RNGTT: variants seen among roughly 807,000 people sequenced by gnomAD.
RNGTT encodes the protein mRNA-capping enzyme.
RNGTT carries 33 observed loss-of-function variants against 79.3 expected under a neutral mutation model. The observed-to-expected ratio is 0.42, with a 90% CI of 0.32 to 0.56. The LOEUF is 0.56. Ranked by LOEUF, RNGTT falls within the 20% of genes least tolerant of loss-of-function variation. The pLI is 0.17. For synonymous variants in RNGTT, 222 were observed against 235.9 expected, an observed-to-expected ratio of 0.94 and a Z score of 0.54; for missense variants, 497 against 739.1, an observed-to-expected ratio of 0.67 and a Z score of 3.80.
At chr6:88,728,314 A>T (rs9342155) in intron 13 of RNGTT, among the ~76,000 whole-genome samples, 19,478 of 152,264 alleles carry the variant, frequency 0.13, 1,437 homozygotes, top group Middle Eastern at 0.23. Context: ...TCAGAAAAGT[A>T]CCTCTGTCCC....
chr6:88,690,411 T>TA (rs386407874), intron 13 of RNGTT, among the ~76,000 whole-genome samples: 4,999 of 149,564 alleles, frequency 0.033, 281 homozygotes, highest in African/African-American at 0.11. Context: ...ATTTTAAAAT[T>TA]AAAAAAAAAA....
chr6:88,775,182 G>A (rs760445401), intron 12 of RNGTT, among the ~76,000 whole-genome samples: 83 of 152,146 alleles, frequency 5.5e-4, no homozygotes, highest in Admixed American at 6.5e-4. Context: ...TGATTACTAT[G>A]GTAAAGCAAA....
chr6:88,905,205 A>G (rs1347402772), intron 5 of RNGTT, among the ~76,000 whole-genome samples: 1 of 152,176 alleles, frequency 6.6e-6, no homozygotes, highest in Non-Finnish European at 1.5e-5. Flanking sequence ...TATAGTAGAG[A>G]CCTAGATAGG....
intron 14 of RNGTT, among the ~76,000 whole-genome samples, chr6:88,643,691 A>G (rs1773414610): frequency 6.6e-6 from 1 of 152,242 alleles, no homozygotes; most frequent in Admixed American, 6.5e-5. Flanking sequence ...ACTCAGGATT[A>G]AGAAACTCAC....
At chr6:88,773,576 A>G in intron 12 of RNGTT, among the ~76,000 whole-genome samples, 1 of 152,168 alleles carries the variant, frequency 6.6e-6, no homozygotes, top group East Asian at 1.9e-4. Context: ...CTACAAAGCT[A>G]CAGTAATCAA....
At chr6:88,834,106 T>TA (rs951389577) in intron 11 of RNGTT, among the ~76,000 whole-genome samples, 5 of 152,230 alleles carry the variant, frequency 3.3e-5, no homozygotes, top group East Asian at 3.9e-4. Context: ...ATGTTAATTA[T>TA]AAAAAAAATT....
chr6:88,808,913 T>C (rs1248943693), intron 11 of RNGTT, among the ~76,000 whole-genome samples: 1 of 151,550 alleles, frequency 6.6e-6, no homozygotes, highest in Non-Finnish European at 1.5e-5. Flanking sequence ...GCCAAGATCA[T>C]GCCACTGAAT....
chr6:88,867,170 C>T (rs1782201955), intron 8 of RNGTT, among the ~76,000 whole-genome samples: 1 of 152,096 alleles, frequency 6.6e-6, no homozygotes, highest in Admixed American at 6.6e-5. Context: ...ACCCTTAACA[C>T]TCAAATTGCA....
At chr6:88,781,267 T>TA (rs369523127) in intron 12 of RNGTT, among the ~76,000 whole-genome samples, 2 of 152,214 alleles carry the variant, frequency 1.3e-5, no homozygotes, top group African/African-American at 4.8e-5. Flanking sequence ...ACAGGATATC[T>TA]AGACCAGAGA....
chr6:88,729,140 C>T (rs1439732148), intron 13 of RNGTT, among the ~76,000 whole-genome samples: 1 of 152,156 alleles, frequency 6.6e-6, no homozygotes, highest in Non-Finnish European at 1.5e-5. Flanking sequence ...CTTCCATCTC[C>T]CAACACTAAG....
intron 10 of RNGTT, among the ~76,000 whole-genome samples, chr6:88,846,013 A>G (rs1178367377): frequency 6.6e-6 from 1 of 151,892 alleles, no homozygotes; most frequent in African/African-American, 2.4e-5. Context: ...AAAAAAAAAA[A>G]GTCTAACAAC....
chr6:88,786,026 A>G (rs544512542), intron 12 of RNGTT, among the ~76,000 whole-genome samples: 7 of 152,274 alleles, frequency 4.6e-5, no homozygotes, highest in Non-Finnish European at 1.0e-4. Flanking sequence ...CTCAATAGAA[A>G]CAATTATGTT....
chr6:88,610,454 T>C lies in RNGTT; in HGVS notation c.*2265A>G, dbSNP rs1173520180. The C allele has an allele frequency of 6.6e-6, 1 of 152,498 alleles. No individual in the cohort carries two copies. The highest frequency in any genetic ancestry group is 1.5e-5 in the Non-Finnish European group (1 of 68,044). The allele number at this position is 152,498 out of a possible 1,614,324, so 9.4% of individuals were successfully genotyped here. On this transcript the variant is annotated 3_prime_UTR_variant, in exon 16 of 16. Coordinates refer to ENST00000369485, the MANE Select transcript of RNGTT (RefSeq NM_003800.5). ...GTGATAACTGAAGAAAGCAAAGTTTTCTTATTCTTGTCTAAAAAACTTCAG... is the reference window on the plus strand; with the variant it reads ...GTGATAACTGAAGAAAGCAAAGTTTCCTTATTCTTGTCTAAAAAACTTCAG...
At chr6:88,863,651 A>C (rs1049782250) in intron 8 of RNGTT, among the ~76,000 whole-genome samples, 2 of 152,186 alleles carry the variant, frequency 1.3e-5, no homozygotes, top group African/African-American at 4.8e-5. Flanking sequence ...AAGCAACACT[A>C]TGACAGAGTT....
intron 11 of RNGTT, among the ~76,000 whole-genome samples, chr6:88,842,475 G>C (rs1356437837): frequency 6.6e-6 from 1 of 151,752 alleles, no homozygotes; most frequent in Non-Finnish European, 1.5e-5. Flanking sequence ...AGAAAAAAAA[G>C]AGAATGAAAA....
chr6:88,762,023 C>G (rs1324714908), intron 13 of RNGTT, among the ~76,000 whole-genome samples: 1 of 151,974 alleles, frequency 6.6e-6, no homozygotes, highest in Non-Finnish European at 1.5e-5. Flanking sequence ...ACCCAGACCA[C>G]TAGGGGATTA....
chr6:88,626,944 C>T (rs1203147437), intron 14 of RNGTT, among the ~76,000 whole-genome samples: 1 of 151,944 alleles, frequency 6.6e-6, no homozygotes, highest in Non-Finnish European at 1.5e-5. Context: ...AGTACTAATA[C>T]CAAGCATGAT....
chr6:88,795,163 A>G (rs1228013450), intron 12 of RNGTT, among the ~76,000 whole-genome samples: 2 of 152,220 alleles, frequency 1.3e-5, no homozygotes, highest in Non-Finnish European at 2.9e-5. Context: ...GAGGTTTAAG[A>G]TTAAATATTC....
chr6:88,935,786 T>C (rs1000100627), intron 2 of RNGTT, among the ~76,000 whole-genome samples: 20 of 152,330 alleles, frequency 1.3e-4, no homozygotes, highest in Admixed American at 8.5e-4. Context: ...TTTCACTTCC[T>C]TGGTTAAATT....
Sources: allele counts gnomAD v4.1 joint callset (sites outside exome capture counted in the v4.1 genomes callset), GRCh38; gene constraint gnomAD v4.1.1; transcripts MANE v1.5; gene names NCBI Gene and HGNC (gene_info 2026-07-23, HGNC 2026-07-21).